The following MYO9A variants were observed in gnomAD, a reference collection of about 807,000 sequenced individuals.
The protein encoded by MYO9A is myosin IXA.
A neutral mutation model predicts 293.3 loss-of-function variants in MYO9A; 103 were observed. The ratio of observed to expected loss-of-function variants is 0.35; its 90% CI spans 0.30 to 0.41. The LOEUF is 0.41. Ranked by LOEUF, MYO9A falls within the 10% of genes least tolerant of loss-of-function variation. MYO9A has a pLI of 1.00. For missense variants in MYO9A, 2,685 were observed against 3,033.0 expected (o/e 0.89, Z 2.69); for synonymous variants, 1,001 against 1,035.7 (o/e 0.97, Z 0.64).
At position 72,022,322 on chromosome 15, in the gene MYO9A, T is replaced by C. The variant is rs531053781; in HGVS notation, c.999-1305A>G. Among the ~76,000 whole-genome samples the C allele has an allele frequency of 2.6e-5, 4 of 151,922 alleles. No homozygotes were observed. In the East Asian group the frequency reaches 7.8e-4, roughly 30 times the overall value. The stretch of plus-strand genomic sequence containing the variant: ...GGATCACGAGGTCAAGAGATCGAGA[T>C]CATCCTGGTCAACATGGTGAAACCC... On this transcript the variant is annotated intron_variant, in intron 4 of 41. Coordinates refer to ENST00000356056, the MANE Select transcript of MYO9A (RefSeq NM_006901.4).
intron 39 of MYO9A, among the ~76,000 whole-genome samples, chr15:71,835,831 T>C (rs1019025717): frequency 2.6e-5 from 4 of 152,138 alleles, no homozygotes; most frequent in Non-Finnish European, 5.9e-5. Flanking sequence ...TAGGATGACT[T>C]ATTCTACCAG....
chr15:72,110,836 T>C (rs1384149057), intron 1 of MYO9A, among the ~76,000 whole-genome samples: 1 of 152,218 alleles, frequency 6.6e-6, no homozygotes, highest in Non-Finnish European at 1.5e-5. Flanking sequence ...TAGCCATTTA[T>C]TCTAAAAGCC....
chr15:72,014,056 C>A (rs1487162030), intron 6 of MYO9A, among the ~76,000 whole-genome samples: 1 of 152,190 alleles, frequency 6.6e-6, no homozygotes, highest in Non-Finnish European at 1.5e-5. Flanking sequence ...ATCTGCCTAG[C>A]TCAGCCTTGC....
chr15:71,941,402 T>G (rs1234172873), intron 15 of MYO9A, among the ~76,000 whole-genome samples: 3 of 151,682 alleles, frequency 2.0e-5, no homozygotes, highest in African/African-American at 7.3e-5. Flanking sequence ...GCCATTGCAC[T>G]CCAGCCTGGA....
chr15:72,046,361 T>G lies in MYO9A; in HGVS notation c.203A>C (p.Glu68Ala). The G allele has an allele frequency of 6.2e-7, 1 of 1,613,884 alleles. No individual in the cohort carries two copies. The highest frequency in any genetic ancestry group is 8.5e-7 in the Non-Finnish European group (1 of 1,179,798). ...TKCYVLAEVK[E>A]FGGEEWILNP... ...GAGAATCCATTCTTCTCCACCAAAT[T>G]CCTTTACCTCTGCTAGAACATAACA... Residue 68 changes from glutamate (E) to alanine (A), a missense_variant, in exon 2 of 42, where the codon GAA (glutamate) becomes GCA (alanine). By Grantham distance (107) the Glu-to-Ala change is moderately radical. Coordinates refer to ENST00000356056, the MANE Select transcript of MYO9A (RefSeq NM_006901.4).
At position 71,827,865 on chromosome 15, in the gene MYO9A, G is replaced by T. The variant is rs2054572509; in HGVS notation, c.7183+19C>A. 4.4e-6 allele frequency: 7 copies of T among 1,602,078 alleles called. No individual in the cohort carries two copies. The highest frequency in any genetic ancestry group is 5.1e-6 in the Non-Finnish European group (6 of 1,176,060). ...TTGCAAAACAAATCTGGAGTCTTTG[G>T]TCTACCATGTTCACTTACCTGATTT... On this transcript the variant is annotated intron_variant, in intron 41 of 41. Transcript: ENST00000356056.
intron 1 of MYO9A, among the ~76,000 whole-genome samples, chr15:72,075,803 CTAAAG>C (rs369895964): frequency 4.7e-4 from 71 of 151,836 alleles, no homozygotes; most frequent in Middle Eastern, 3.4e-3. Context: ...GTAAGAAATA[CTAAAG>C]TAATTTCTTC....
At chr15:71,999,061 T>C (rs1190685016) in intron 9 of MYO9A, 1 of 152,156 alleles carries the variant, frequency 6.6e-6, no homozygotes. Flanking sequence ...AGAAGAAATG[T>C]GGACTTGGAG....
At chr15:72,015,404 TAG>T (rs2077301961) in intron 6 of MYO9A, among the ~76,000 whole-genome samples, 1 of 152,196 alleles carries the variant, frequency 6.6e-6, no homozygotes, top group Non-Finnish European at 1.5e-5. Context: ...GAAAGCACTA[TAG>T]GAGGTCTACC....
intron 1 of MYO9A, among the ~76,000 whole-genome samples, chr15:72,062,168 CA>C (rs1448772784): frequency 6.6e-6 from 1 of 152,160 alleles, no homozygotes; most frequent in Non-Finnish European, 1.5e-5. Context: ...GAGACAGCTA[CA>C]ATAACCAAAG....
intron 19 of MYO9A, among the ~76,000 whole-genome samples, chr15:71,908,616 T>C (rs894085157): frequency 6.6e-6 from 1 of 152,200 alleles, no homozygotes. Context: ...CTGTTTAAAA[T>C]AGACTTTTGG....
intron 11 of MYO9A, among the ~76,000 whole-genome samples, chr15:71,984,524 C>G (rs914885605): frequency 6.6e-6 from 1 of 152,104 alleles, no homozygotes; most frequent in Non-Finnish European, 1.5e-5. Flanking sequence ...TCTTCAAACA[C>G]GGCTTCTAAC....
At position 71,830,034 on chromosome 15, in the gene MYO9A, A is replaced by AAAAT. The variant is rs1365037406; in HGVS notation, c.7040+71_7040+74dup. On this transcript the variant is annotated intron_variant, in intron 40 of 41. Coordinates refer to ENST00000356056, the MANE Select transcript of MYO9A (RefSeq NM_006901.4). ...ACACACAGGAGATAATAAATAAGAA[A>AAAAT]AAATAAAGAAACGATAGAAGGAAGG... 63 of 1,448,490 alleles carry AAAAT rather than the reference A, an allele frequency of 4.3e-5. No individual in the cohort carries two copies. In the African/African-American group the frequency reaches 5.1e-4, roughly 12 times the overall value. The allele number at this position is 1,448,490 out of a possible 1,614,324, so 89.7% of individuals were successfully genotyped here.
intron 1 of MYO9A, among the ~76,000 whole-genome samples, chr15:72,116,036 T>C (rs1211769938): frequency 1.3e-5 from 2 of 152,198 alleles, no homozygotes; most frequent in Admixed American, 6.5e-5. Flanking sequence ...ATGTATAGAA[T>C]GTAAAGTATG....
At chr15:71,954,050 C>T (rs547085150) in intron 14 of MYO9A, among the ~76,000 whole-genome samples, 3 of 152,104 alleles carry the variant, frequency 2.0e-5, no homozygotes, top group East Asian at 1.9e-4. Flanking sequence ...CACGCACCAC[C>T]ATGCCCAGCT....
chr15:72,037,770 A>T (rs2078101433), intron 2 of MYO9A, among the ~76,000 whole-genome samples: 1 of 152,164 alleles, frequency 6.6e-6, no homozygotes, highest in African/African-American at 2.4e-5. Context: ...TATTATTTAA[A>T]AATGTCTAGT....
chr15:71,919,606 C>T (rs1467515467), intron 18 of MYO9A, among the ~76,000 whole-genome samples: 4 of 151,144 alleles, frequency 2.6e-5, no homozygotes, highest in South Asian at 2.1e-4. Context: ...GTGAGGAGGC[C>T]GAGGAGAGTG....
chr15:72,026,206 G>C (rs2077663291), intron 4 of MYO9A, among the ~76,000 whole-genome samples: 1 of 136,902 alleles, frequency 7.3e-6, no homozygotes, highest in Non-Finnish European at 1.5e-5. Flanking sequence ...CCAGGAGGCA[G>C]AGCTTGCAGT....
intron 13 of MYO9A, among the ~76,000 whole-genome samples, chr15:71,963,536 C>T (rs367995560): frequency 1.4e-3 from 216 of 152,164 alleles, no homozygotes; most frequent in African/African-American, 4.6e-3. Flanking sequence ...GCAACCTCCA[C>T]CTCCTGGGTT....
Sources: allele counts gnomAD v4.1 joint callset (sites outside exome capture counted in the v4.1 genomes callset), GRCh38; gene constraint gnomAD v4.1.1; transcripts MANE v1.5; gene names NCBI Gene and HGNC (gene_info 2026-07-23, HGNC 2026-07-21).